The following SCNN1G variants were observed in gnomAD, a reference collection of about 807,000 sequenced individuals.
The protein encoded by SCNN1G is epithelial sodium channel subunit gamma.
In SCNN1G, 27 loss-of-function variants were observed where a neutral mutation model predicts 64.6. The observed-to-expected ratio is 0.42, with a 90% CI of 0.31 to 0.58. The LOEUF (loss-of-function observed/expected upper bound fraction) is 0.58, where lower values mean the gene tolerates loss of function less well. SCNN1G is among the 20% of genes least tolerant of loss of function. The pLI is 0.18. For missense variants in SCNN1G, 743 were observed against 823.4 expected (o/e 0.90, Z 1.19); for synonymous variants, 330 against 314.2 (o/e 1.05, Z -0.53).
At chr16:23,191,704 G>A (rs1260932031) in intron 3 of SCNN1G, among the ~76,000 whole-genome samples, 1 of 152,194 alleles carries the variant, frequency 6.6e-6, no homozygotes, top group African/African-American at 2.4e-5. Context: ...AGGATTACAG[G>A]CATGAGCCAC....
intron 7 of SCNN1G, among the ~76,000 whole-genome samples, chr16:23,210,730 T>C (rs1488353623): frequency 1.3e-5 from 2 of 152,116 alleles, no homozygotes; most frequent in Non-Finnish European, 2.9e-5. Flanking sequence ...GTGTAGACAC[T>C]GAGTAAAAGA....
chr16:23,189,717 TG>T (rs1308297903), intron 3 of SCNN1G, 46 bp downstream of exon 3: 1 of 1,583,422 alleles, frequency 6.3e-7, no homozygotes, highest in Non-Finnish European at 8.7e-7. Flanking sequence ...GGGCATGGGA[TG>T]GGCTGGGTCC....
chr16:23,214,773 A>G lies in SCNN1G; in HGVS notation c.1555A>G (p.Ser519Gly), dbSNP rs771136581. 3.6e-5 allele frequency: 58 copies of G among 1,613,750 alleles called. No individual in the cohort carries two copies. The highest frequency in any genetic ancestry group is 2.1e-5 in the Non-Finnish European group (25 of 1,179,764). Residue 519 changes from serine to glycine, a missense_variant, in exon 12 of 13, where the codon AGC becomes GGC. By Grantham distance (56) the Ser-to-Gly change is moderately conservative. Transcript: ENST00000300061. ...KDLNQRSIME[S>G]PANSIEMLLS... ...CCTGAACCAGAGATCCATCATGGAG[A>G]GCCCAGCCAACAGTGTGAGTAGAGT... is the stretch of plus-strand genomic sequence containing the variant.
intron 11 of SCNN1G, 33 bp downstream of exon 11, chr16:23,213,196 T>A: frequency 1.3e-6 from 2 of 1,507,390 alleles, no homozygotes; most frequent in Non-Finnish European, 1.8e-6. Context: ...CTCTGTCTCT[T>A]CCCACCACAG....
chr16:23,211,349 G>A (rs1220114216), intron 7 of SCNN1G, among the ~76,000 whole-genome samples: 2 of 152,178 alleles, frequency 1.3e-5, no homozygotes, highest in African/African-American at 4.8e-5. Flanking sequence ...ACATGGAGGG[G>A]TTGGGCTTGA....
intron 7 of SCNN1G, 62 bp downstream of exon 7, chr16:23,209,910 A>T (rs1960052508): frequency 1.6e-5 from 19 of 1,219,286 alleles, no homozygotes; most frequent in Non-Finnish European, 2.1e-5. Context: ...AGACAAAGTT[A>T]TATCTAAGCT....
Position 23,215,939 on chromosome 16 carries a change from G to C in SCNN1G, c.*470G>C, listed in dbSNP as rs1960153790. On this transcript the variant is annotated 3_prime_UTR_variant, in exon 13 of 13. Coordinates refer to ENST00000300061, the MANE Select transcript of SCNN1G (RefSeq NM_001039.4). Reference sequence around the variant, plus strand: ...CCAGATGCCAAAGATAGGAGAAAGTGCCAGCCCTGAAGCTGGAGCCGTTTG... The same window carrying C: ...CCAGATGCCAAAGATAGGAGAAAGTCCCAGCCCTGAAGCTGGAGCCGTTTG... 4.7e-6 allele frequency: 1 copy of C among 212,730 alleles called. No individual in the cohort carries two copies. Among genetic ancestry groups the C allele is most frequent in the Non-Finnish European group, 9.5e-6 (1 of 105,292 alleles). The allele number at this position is 212,730 out of a possible 1,614,324, so 13.2% of individuals were successfully genotyped here.
Position 23,200,207 on chromosome 16 carries a change from A to AT in SCNN1G, c.1077+2785dup, listed in dbSNP as rs1328295820. Reference sequence around the variant, plus strand: ...CTAGAAGATGAGCCCAAGGATCTATATTTTTACCAAGTTGTAGTGGTTATT... The same window carrying AT: ...CTAGAAGATGAGCCCAAGGATCTATATTTTTTACCAAGTTGTAGTGGTTATT... On this transcript the variant is annotated intron_variant, in intron 6 of 12. Transcript: ENST00000300061. 2.0e-5 allele frequency among the ~76,000 whole-genome samples: 3 copies of AT among 152,110 alleles called. No individual in the cohort carries two copies. The East Asian group carries it at 5.8e-4, about 29-fold the overall frequency.
chr16:23,206,340 G>T (rs1232037618), intron 6 of SCNN1G, among the ~76,000 whole-genome samples: 1 of 152,222 alleles, frequency 6.6e-6, no homozygotes, highest in African/African-American at 2.4e-5. Flanking sequence ...GGTGGGAGCT[G>T]GCTCTCTAAC....
intron 6 of SCNN1G, among the ~76,000 whole-genome samples, chr16:23,204,643 GTT>G (rs1359776974): frequency 2.0e-5 from 3 of 151,464 alleles, no homozygotes; most frequent in Non-Finnish European, 4.4e-5. Context: ...CCAGTTTGTG[GTT>G]TTCTTTAGGG....
chr16:23,197,136 G>T, intron 5 of SCNN1G, 128 bp from the exon 6 acceptor site: 1 of 768,870 alleles, frequency 1.3e-6, no homozygotes, highest in South Asian at 1.5e-5. Context: ...TCTAGCCCTC[G>T]TCCACCTGTC....
In SCNN1G at chr16:23,212,044, A is replaced by G. The variant is rs202142122; in HGVS notation, c.1187A>G (p.His396Arg). ...NAAYSLQICL[H>R]SCFQTKMVEK... The stretch of plus-strand genomic sequence containing the variant: ...GGTCTCCTCTTTCAGATCTGCCTTC[A>G]TTCATGCTTCCAGACAAAGATGGTG... The change falls in exon 8 of 13, where the codon CAT (histidine) becomes CGT (arginine). Residue 396 changes from histidine to arginine, a missense_variant. Coordinates refer to ENST00000300061, the MANE Select transcript of SCNN1G (RefSeq NM_001039.4). 31 of 1,612,632 alleles carry G rather than the reference A, an allele frequency of 1.9e-5. No individual in the cohort carries two copies. The highest frequency in any genetic ancestry group is 2.4e-5 in the Non-Finnish European group (28 of 1,178,688).
In SCNN1G at chr16:23,185,908, T is replaced by G. The variant is rs562194808; in HGVS notation, c.-44-320T>G. Among the ~76,000 whole-genome samples, 3 of 152,284 alleles carry G rather than the reference T, an allele frequency of 2.0e-5. No homozygotes were observed. In the South Asian group the frequency reaches 6.2e-4, roughly 32 times the overall value. ...CTGATGGGGCTGCTTCCAGAGTTCC[T>G]GCCCAGGAACCCGGGGAAAGGTCCT... is the stretch of plus-strand genomic sequence containing the variant. On this transcript the variant is annotated intron_variant, in intron 1 of 12. Transcript: ENST00000300061.
chr16:23,210,451 C>T (rs758525762), intron 7 of SCNN1G, among the ~76,000 whole-genome samples: 2 of 152,144 alleles, frequency 1.3e-5, no homozygotes, highest in Non-Finnish European at 2.9e-5. Context: ...TGTAGCTACC[C>T]CAATAAATGA....
At chr16:23,209,917 A>T in intron 7 of SCNN1G, 69 bp downstream of exon 7, 1 of 1,109,356 alleles carries the variant, frequency 9.0e-7, no homozygotes, top group Non-Finnish European at 1.4e-6. Context: ...GTTATATCTA[A>T]GCTGGGGTGT....
intron 2 of SCNN1G, among the ~76,000 whole-genome samples, 168 bp downstream of exon 2, chr16:23,186,756 A>G (rs1228433406): frequency 3.3e-5 from 5 of 152,192 alleles, no homozygotes; most frequent in Non-Finnish European, 7.3e-5. Flanking sequence ...CCCCCTCCCC[A>G]GTTCTAAATC....
intron 3 of SCNN1G, among the ~76,000 whole-genome samples, 153 bp downstream of exon 3, chr16:23,189,824 C>T (rs556845000): frequency 1.6e-4 from 25 of 152,156 alleles, no homozygotes; most frequent in East Asian, 1.4e-3. Flanking sequence ...GTAATCCCAG[C>T]GCTTTGGGAG....
chr16:23,194,369 G>A (rs1046642274), intron 5 of SCNN1G, 95 bp downstream of exon 5: 16 of 879,660 alleles, frequency 1.8e-5, no homozygotes, highest in East Asian at 1.5e-4. Flanking sequence ...CTGGAAAAGC[G>A]GGATCTCTCC....
In SCNN1G at chr16:23,215,272, C is replaced by T. The variant is rs779033031; in HGVS notation, c.1753C>T (p.Pro585Ser). 3.7e-6 allele frequency: 6 copies of T among 1,614,152 alleles called. No homozygotes were observed. The South Asian group carries it at 4.4e-5, about 12-fold the overall frequency. The change falls in exon 13 of 13, where the codon CCC becomes TCC. Residue 585 changes from proline (P) to serine (S), a missense_variant. Pro to Ser is a moderately conservative substitution (Grantham distance 74). Coordinates refer to ENST00000300061, the MANE Select transcript of SCNN1G (RefSeq NM_001039.4). ...WKQAPPCPEA[P>S]RSPQGQDNPA... Reference sequence around the variant, plus strand: ...ACAGGCTCCCCCATGTCCAGAAGCTCCCCGTAGCCCACAGGGCCAGGACAA... The same window carrying T: ...ACAGGCTCCCCCATGTCCAGAAGCTTCCCGTAGCCCACAGGGCCAGGACAA...
Sources: allele counts gnomAD v4.1 joint callset (sites outside exome capture counted in the v4.1 genomes callset), GRCh38; gene constraint gnomAD v4.1.1; transcripts MANE v1.5; gene names NCBI Gene and HGNC (gene_info 2026-07-23, HGNC 2026-07-21).